TRIP11: variants seen among roughly 807,000 people sequenced by gnomAD.
TRIP11 encodes thyroid receptor-interacting protein 11.
A neutral mutation model predicts 223.1 loss-of-function variants in TRIP11; 148 were observed. That is an observed-to-expected ratio of 0.66 (90% CI 0.58 to 0.76). The LOEUF (loss-of-function observed/expected upper bound fraction) is 0.76. TRIP11 is among the 30% of genes least tolerant of loss of function. TRIP11 has a pLI of 0.00. For synonymous variants in TRIP11, 762 were observed against 772.6 expected, an observed-to-expected ratio of 0.99 and a Z score of 0.23; for missense variants, 2,043 against 2,222.0, an observed-to-expected ratio of 0.92 and a Z score of 1.62.
At chr14:92,015,884 A>G in intron 5 of TRIP11, 23 bp from the exon 6 acceptor site, 1 of 1,576,112 alleles carries the variant, frequency 6.3e-7, no homozygotes, top group Non-Finnish European at 8.6e-7. Context: ...AAACAAAGTT[A>G]TTCACATTTA....
Position 92,004,241 on chromosome 14 carries a change from C to T in TRIP11, c.3735G>A (p.Glu1245=), listed in dbSNP as rs1029016154. 3.7e-6 allele frequency: 6 copies of T among 1,614,102 alleles called. No homozygotes were observed. Among genetic ancestry groups the T allele is most frequent in the Non-Finnish European group, 8.5e-7 (1 of 1,180,018 alleles). Reference sequence around the variant, plus strand: ...AAACCTGTGCTTGAAGTTGGTGAAGCTCTTCCTGAAGCTGGGCTGACTCGT... The same window carrying T: ...AAACCTGTGCTTGAAGTTGGTGAAGTTCTTCCTGAAGCTGGGCTGACTCGT... ...MQHESAQLQE[E]LHQLQAQVLV... is the part of the protein sequence containing the mutation. The change falls in exon 11 of 21, where the codon GAG becomes GAA. Residue 1245 remains glutamate (E), a synonymous_variant. Coordinates refer to ENST00000267622, the MANE Select transcript of TRIP11 (RefSeq NM_004239.4).
chr14:91,984,320 T>TTC (rs202057152), intron 16 of TRIP11, among the ~76,000 whole-genome samples: 3,180 of 148,314 alleles, frequency 0.021, 126 homozygotes, highest in African/African-American at 0.075. Context: ...TTCTTTTCTT[T>TTC]TTTTTTTTTT....
In TRIP11 at chr14:91,977,612, C is replaced by CTT. The variant is rs375940706; in HGVS notation, c.5261-1425_5261-1424dup. On this transcript the variant is annotated intron_variant, in intron 16 of 20. Transcript: ENST00000267622. Reference sequence around the variant, plus strand: ...TCTGCAAATGTTTTGTCATTCTTTTCTTTTTTTTTTTTTCCTGCCTGGAAA... The same window carrying CTT: ...TCTGCAAATGTTTTGTCATTCTTTTCTTTTTTTTTTTTTTTCCTGCCTGGAAA... Among the ~76,000 whole-genome samples the CTT allele has an allele frequency of 7.3e-4, 106 of 144,396 alleles. 1 individual carries two copies. The highest frequency in any genetic ancestry group is 2.4e-3 in the African/African-American group (94 of 39,368). 94.7% of individuals were successfully genotyped at this position (144,396 alleles called of 152,430 possible). A position where few individuals can be genotyped will look rare whatever the true frequency, so the allele number is the denominator to read the frequency against.
intron 2 of TRIP11, among the ~76,000 whole-genome samples, chr14:92,032,181 TC>T (rs1159669548): frequency 6.6e-6 from 1 of 152,106 alleles, no homozygotes; most frequent in Non-Finnish European, 1.5e-5. Flanking sequence ...GGAGTTTTTC[TC>T]TGTCACTCAG....
chr14:92,012,429 T>G (rs1046118463), intron 7 of TRIP11, among the ~76,000 whole-genome samples: 4 of 152,214 alleles, frequency 2.6e-5, no homozygotes, highest in Non-Finnish European at 5.9e-5. Flanking sequence ...TCGAAGAGCT[T>G]ACAATTCAGA....
chr14:91,981,362 T>G (rs1044773088), intron 16 of TRIP11, among the ~76,000 whole-genome samples: 1 of 150,434 alleles, frequency 6.6e-6, no homozygotes, highest in Non-Finnish European at 1.5e-5. Context: ...CAATTTGAGG[T>G]TAAGCTTTAC....
chr14:92,013,971 ATG>A (rs892351506), intron 7 of TRIP11, among the ~76,000 whole-genome samples: 121 of 152,312 alleles, frequency 7.9e-4, no homozygotes, highest in African/African-American at 2.8e-3. Flanking sequence ...TAACTGGAGG[ATG>A]TGGGCTGTGA....
intron 11 of TRIP11, among the ~76,000 whole-genome samples, chr14:92,001,007 T>C (rs552206624): frequency 4.8e-4 from 73 of 151,918 alleles, no homozygotes; most frequent in Non-Finnish European, 8.8e-4. Flanking sequence ...ATTACAGGCA[T>C]GCACCACCAC....
intron 16 of TRIP11, among the ~76,000 whole-genome samples, chr14:91,983,622 T>C (rs2056569970): frequency 1.3e-5 from 2 of 152,248 alleles, no homozygotes; most frequent in African/African-American, 4.8e-5. Context: ...TATTTTGGCA[T>C]TGTCTAGTAT....
intron 5 of TRIP11, among the ~76,000 whole-genome samples, chr14:92,016,655 T>C (rs764954772): frequency 9.9e-5 from 15 of 152,224 alleles, no homozygotes; most frequent in Non-Finnish European, 4.4e-5. Context: ...TCCTAATCTA[T>C]AAATTAACTT....
At chr14:91,991,159 A>G (rs777192294) in intron 15 of TRIP11, among the ~76,000 whole-genome samples, 5 of 152,150 alleles carry the variant, frequency 3.3e-5, no homozygotes, top group Admixed American at 6.5e-5. Flanking sequence ...ACCCTCATGA[A>G]TAGATTAATG....
At chr14:91,994,235 T>A (rs2056718477) in intron 14 of TRIP11, among the ~76,000 whole-genome samples, 1 of 151,712 alleles carries the variant, frequency 6.6e-6, no homozygotes, top group Non-Finnish European at 1.5e-5. Context: ...AATTACATTA[T>A]ACTGTAAAGT....
chr14:91,993,460 G>A lies in TRIP11; in HGVS notation c.5160+349C>T, dbSNP rs1267291984. Among the ~76,000 whole-genome samples, 5 of 117,726 alleles carry A rather than the reference G, an allele frequency of 4.2e-5. No individual in the cohort carries two copies. The South Asian group carries it at 1.2e-3, about 28-fold the overall frequency. 77.2% of individuals were successfully genotyped at this position (117,726 alleles called of 152,430 possible). A position where few individuals can be genotyped will look rare whatever the true frequency, so the allele number is the denominator to read the frequency against. On this transcript the variant is annotated intron_variant, in intron 15 of 20. Transcript: ENST00000267622. ...CATTGCACTCCAGCCTGGGTAACAA[G>A]AGTGAAACTCGGTCTCAAAAAAAAA...
chr14:92,013,917 C>G lies in TRIP11; in HGVS notation c.1186+298G>C, dbSNP rs929476555. 9.8e-5 allele frequency among the ~76,000 whole-genome samples: 15 copies of G among 152,298 alleles called. No individual in the cohort carries two copies. In the East Asian group the frequency reaches 2.7e-3, roughly 27 times the overall value. ...TTTGCTTGGATATAGGAGATCGTTTCAAACAGGTAACAACTGACTTTGAAG... is the reference window on the plus strand; with the variant it reads ...TTTGCTTGGATATAGGAGATCGTTTGAAACAGGTAACAACTGACTTTGAAG... On this transcript the variant is annotated intron_variant, in intron 7 of 20. Coordinates refer to ENST00000267622, the MANE Select transcript of TRIP11 (RefSeq NM_004239.4).
intron 2 of TRIP11, among the ~76,000 whole-genome samples, chr14:92,031,373 G>T (rs1229184656): frequency 4.6e-5 from 7 of 152,066 alleles, no homozygotes; most frequent in Admixed American, 6.5e-5. Context: ...CCAAAGTGCT[G>T]GGATTACAGG....
At chr14:92,008,279 C>G (rs2056930142) in intron 9 of TRIP11, among the ~76,000 whole-genome samples, 1 of 152,206 alleles carries the variant, frequency 6.6e-6, no homozygotes, top group Non-Finnish European at 1.5e-5. Flanking sequence ...ATCCAGTCAT[C>G]AACAGCCTCA....
intron 15 of TRIP11, 51 bp from the exon 16 acceptor site, chr14:91,988,434 A>G (rs2056630353): frequency 6.7e-7 from 1 of 1,500,156 alleles, no homozygotes; most frequent in Non-Finnish European, 9.2e-7. Flanking sequence ...TATTTCACAA[A>G]CTATAAGGCT....
chr14:92,032,770 T>C (rs899977308), intron 2 of TRIP11, among the ~76,000 whole-genome samples: 1 of 151,064 alleles, frequency 6.6e-6, no homozygotes, highest in African/African-American at 2.4e-5. Context: ...GAGGTGGAGG[T>C]TGTAGTGAGC....
In TRIP11 at chr14:92,025,508, T is replaced by TCCCA. The variant is rs577391295; in HGVS notation, c.202-89_202-88insTGGG. The TCCCA allele has an allele frequency of 3.6e-6, 3 of 833,924 alleles. No individual in the cohort carries two copies. The African/African-American group carries it at 5.5e-5, about 15-fold the overall frequency. 51.7% of individuals were successfully genotyped at this position (833,924 alleles called of 1,614,324 possible). A position where few individuals can be genotyped will look rare whatever the true frequency, so the allele number is the denominator to read the frequency against. On this transcript the variant is annotated intron_variant, in intron 2 of 20. Coordinates refer to ENST00000267622, the MANE Select transcript of TRIP11 (RefSeq NM_004239.4). The stretch of plus-strand genomic sequence containing the variant: ...ACAGCATTATGAAAAACGTACTGCT[T>TCCCA]TCCCCCCCCAAAAATGTCAAATATA...
Sources: gnomAD v4.1 joint callset for allele counts (sites outside exome capture counted in the v4.1 genomes callset) on GRCh38, gnomAD v4.1.1 for gene constraint, MANE v1.5 for transcripts, NCBI Gene and HGNC (gene_info 2026-07-23, HGNC 2026-07-21) for gene names.